Variants in CFH observed in about 807,000 individuals in gnomAD.
CFH encodes H factor 1 (complement).
A neutral mutation model predicts 147.3 loss-of-function variants in CFH; 53 were observed. That is an observed-to-expected ratio of 0.36 (90% CI 0.29 to 0.45). CFH has a LOEUF of 0.45. Ranked by LOEUF, CFH falls within the 20% of genes least tolerant of loss-of-function variation. The pLI is 1.00. For missense variants in CFH, 1,380 were observed against 1,498.0 expected (o/e 0.92, Z 1.30); for synonymous variants, 536 against 489.4 (o/e 1.10, Z -1.26).
chr1:196,701,709 A>G (rs10754199), intron 9 of CFH: 150,977 of 235,988 alleles, frequency 0.64, 49,440 homozygotes, highest in East Asian at 0.94. Context: ...TTCCACTGGG[A>G]CAGACCCAGA....
At chr1:196,685,990 C>T (rs925598440) in intron 7 of CFH, among the ~76,000 whole-genome samples, 1 of 152,072 alleles carries the variant, frequency 6.6e-6, no homozygotes, top group Non-Finnish European at 1.5e-5. Flanking sequence ...CCTTAGGAAA[C>T]TTACAATCAT....
intron 9 of CFH, among the ~76,000 whole-genome samples, chr1:196,711,696 C>T (rs534722345): frequency 3.3e-5 from 5 of 152,156 alleles, no homozygotes; most frequent in African/African-American, 1.2e-4. Context: ...GATGTCTCTA[C>T]TACGTGACCT....
chr1:196,742,120 A>AT (rs1464707381), intron 19 of CFH, 69 bp downstream of exon 19: 1 of 1,498,588 alleles, frequency 6.7e-7, no homozygotes, highest in African/African-American at 1.4e-5. Context: ...GGCGCCTGTA[A>AT]TCCCAGCACT....
intron 10 of CFH, among the ~76,000 whole-genome samples, chr1:196,715,336 A>G (rs1386244473): frequency 6.6e-6 from 1 of 152,096 alleles, no homozygotes; most frequent in Non-Finnish European, 1.5e-5. Flanking sequence ...GCTTTAGTAT[A>G]AATGAATTAA....
At chr1:196,685,927 A>T (rs1481058547) in intron 7 of CFH, among the ~76,000 whole-genome samples, 1 of 152,086 alleles carries the variant, frequency 6.6e-6, no homozygotes, top group African/African-American at 2.4e-5. Flanking sequence ...TGAAGAAAAG[A>T]GGTTAAATTG....
rs767384423 is a variant in CFH, at chr1:196,715,599, G to A, written c.1526G>A (p.Cys509Tyr). ...WSAQPTCIKSCDIPVFMNART... is the reference protein window; with the variant it reads ...WSAQPTCIKSYDIPVFMNART... ...TAAATTTTTTATGCACTAGAATCTT[G>A]TGATATCCCAGTATTTATGAATGCC... The change falls in exon 11 of 22, where the codon TGT becomes TAT. Residue 509 changes from cysteine to tyrosine, a missense_variant. By Grantham distance (194) the Cys-to-Tyr change is radical. Transcript: ENST00000367429. 2 of 1,610,276 alleles carry A rather than the reference G, an allele frequency of 1.2e-6. No individual in the cohort carries two copies. The highest frequency in any genetic ancestry group is 8.5e-7 in the Non-Finnish European group (1 of 1,177,090).
At chr1:196,654,809 A>C (rs1666630119) in intron 1 of CFH, among the ~76,000 whole-genome samples, 1 of 152,174 alleles carries the variant, frequency 6.6e-6, no homozygotes, top group Admixed American at 6.5e-5. Flanking sequence ...TATAGATCAG[A>C]GATTGATGGA....
chr1:196,675,183 G>C lies in CFH; in HGVS notation c.351-806G>C, dbSNP rs923630236. Among the ~76,000 whole-genome samples, 6 of 152,240 alleles carry C rather than the reference G, an allele frequency of 3.9e-5. No individual in the cohort carries two copies. The East Asian group carries it at 1.2e-3, about 29-fold the overall frequency. On this transcript the variant is annotated intron_variant, in intron 3 of 21. Coordinates refer to ENST00000367429, the MANE Select transcript of CFH (RefSeq NM_000186.4). ...TTGGCTAAGGAGATAAAAATGTATA[G>C]ATCTGAAGCCTCTAGCAATGATTGC...
intron 9 of CFH, among the ~76,000 whole-genome samples, chr1:196,707,756 T>C (rs910759643): frequency 6.6e-6 from 1 of 151,186 alleles, no homozygotes; most frequent in East Asian, 1.9e-4. Context: ...AGGAAAAATA[T>C]CAGATAAGTA....
At chr1:196,717,333 G>A (rs1405499929) in intron 11 of CFH, among the ~76,000 whole-genome samples, 1 of 151,980 alleles carries the variant, frequency 6.6e-6, no homozygotes, top group Non-Finnish European at 1.5e-5. Flanking sequence ...GTGTTAGTTA[G>A]CAGACTAAAA....
At position 196,675,989 on chromosome 1, in the gene CFH, G is replaced by A. The variant is rs1476536585; in HGVS notation, c.351G>A (p.Gly117=). The A allele has an allele frequency of 6.2e-7, 1 of 1,606,404 alleles. No homozygotes were observed. The highest frequency in any genetic ancestry group is 1.3e-5 in the African/African-American group (1 of 74,744). ...CGTTCTGTTATTTTTTGGTTTTCAG[G>A]TATCAATTGCTAGGTGAGATTAATT... is the stretch of plus-strand genomic sequence containing the variant. The part of the protein sequence containing the change: ...GVKAVYTCNE[G]YQLLGEINYR... The change falls in exon 4 of 22, where the codon GGG becomes GGA. Residue 117 remains glycine (G), a splice_region_variant and synonymous_variant. Transcript: ENST00000367429.
chr1:196,735,461 C>A (rs1669378438), intron 15 of CFH, among the ~76,000 whole-genome samples: 1 of 152,036 alleles, frequency 6.6e-6, no homozygotes, highest in Non-Finnish European at 1.5e-5. Flanking sequence ...TGCCATGTCA[C>A]AAAATGTTAA....
At chr1:196,668,187 A>G (rs1667160964) in intron 1 of CFH, among the ~76,000 whole-genome samples, 1 of 151,816 alleles carries the variant, frequency 6.6e-6, no homozygotes, top group African/African-American at 2.4e-5. Flanking sequence ...CTTTGCTTAT[A>G]TTTTAGATCA....
In CFH at chr1:196,673,032, C is replaced by G; in HGVS notation, c.113C>G (p.Ser38Cys). The G allele has an allele frequency of 1.2e-6, 2 of 1,614,058 alleles. No individual in the cohort carries two copies. Among genetic ancestry groups the G allele is most frequent in the Non-Finnish European group, 1.7e-6 (2 of 1,179,976 alleles). ...ACAGAAATTCTGACAGGTTCCTGGTCTGACCAAACATATCCAGAAGGCACC... is the reference window on the plus strand; with the variant it reads ...ACAGAAATTCTGACAGGTTCCTGGTGTGACCAAACATATCCAGAAGGCACC... ...RNTEILTGSWSDQTYPEGTQA... is the reference protein window; with the variant it reads ...RNTEILTGSWCDQTYPEGTQA... Residue 38 changes from serine to cysteine, a missense_variant, in exon 2 of 22, where the codon TCT becomes TGT. Transcript: ENST00000367429.
chr1:196,725,343 A>C, intron 12 of CFH, 46 bp downstream of exon 12: 1 of 1,576,620 alleles, frequency 6.3e-7, no homozygotes, highest in Non-Finnish European at 8.7e-7. Context: ...TAGAACTTTG[A>C]ATACCAACTT....
chr1:196,688,334 T>G (rs1231491589), intron 7 of CFH, among the ~76,000 whole-genome samples: 1 of 152,058 alleles, frequency 6.6e-6, no homozygotes, highest in Admixed American at 6.6e-5. Context: ...GTACCTTACT[T>G]AAATATATTT....
intron 15 of CFH, among the ~76,000 whole-genome samples, chr1:196,736,460 A>G (rs1474086245): frequency 1.3e-5 from 2 of 152,068 alleles, no homozygotes; most frequent in Admixed American, 1.3e-4. Context: ...TTTTTATTTA[A>G]TGCATGTAAT....
chr1:196,696,993 C>G (rs1311599156), intron 9 of CFH, among the ~76,000 whole-genome samples: 3 of 152,050 alleles, frequency 2.0e-5, no homozygotes, highest in Non-Finnish European at 2.9e-5. Context: ...ACACCTTATA[C>G]TAAAATTAAT....
At chr1:196,705,782 C>T (rs1359300019) in intron 9 of CFH, among the ~76,000 whole-genome samples, 1 of 152,112 alleles carries the variant, frequency 6.6e-6, no homozygotes, top group African/African-American at 2.4e-5. Flanking sequence ...ACTGTACACA[C>T]CCCATACTGT....
Sources: gnomAD v4.1 joint callset for allele counts (sites outside exome capture counted in the v4.1 genomes callset) on GRCh38, gnomAD v4.1.1 for gene constraint, MANE v1.5 for transcripts, NCBI Gene and HGNC (gene_info 2026-07-23, HGNC 2026-07-21) for gene names.